The following LMNTD1 variants were observed in gnomAD, a reference collection of about 807,000 sequenced individuals.
The protein encoded by LMNTD1 is lamin tail domain-containing protein 1.
LMNTD1 carries 35 observed loss-of-function variants against 50.9 expected under a neutral mutation model. The observed-to-expected ratio is 0.69, with a 90% CI of 0.53 to 0.91. The LOEUF (loss-of-function observed/expected upper bound fraction) is 0.91, where lower values mean the gene tolerates loss of function less well. LMNTD1 is among the 40% of genes least tolerant of loss of function. LMNTD1 has a pLI of 0.00. For missense variants in LMNTD1, 470 were observed against 475.5 expected (o/e 0.99, Z 0.11); for synonymous variants, 153 against 161.9 (o/e 0.94, Z 0.42).
intron 1 of LMNTD1, among the ~76,000 whole-genome samples, chr12:25,578,454 T>A (rs1435435620): frequency 6.6e-6 from 1 of 152,094 alleles, no homozygotes; most frequent in Non-Finnish European, 1.5e-5. Context: ...AGTAACCAAA[T>A]AAAAGTAAAA....
At chr12:25,478,152 C>T (rs2101537) in intron 9 of LMNTD1, among the ~76,000 whole-genome samples, 37,585 of 151,968 alleles carry the variant, frequency 0.25, 5,373 homozygotes, top group East Asian at 0.65. Flanking sequence ...AACACCCTCA[C>T]AGACATACCC....
At chr12:25,520,788 A>T (rs1327583340) in intron 6 of LMNTD1, among the ~76,000 whole-genome samples, 1 of 152,180 alleles carries the variant, frequency 6.6e-6, no homozygotes, top group African/African-American at 2.4e-5. Context: ...ATTGTTTTCC[A>T]TAAAGGCTGC....
chr12:25,520,925 A>G (rs1941272179), intron 6 of LMNTD1, among the ~76,000 whole-genome samples: 1 of 152,214 alleles, frequency 6.6e-6, no homozygotes, highest in African/African-American at 2.4e-5. Context: ...GTGATAGCTC[A>G]TAACGATTTT....
chr12:25,515,929 T>A (rs1940727471), intron 8 of LMNTD1, among the ~76,000 whole-genome samples: 1 of 76,788 alleles, frequency 1.3e-5, no homozygotes, highest in Non-Finnish European at 3.5e-5. Flanking sequence ...TAATTACTTT[T>A]TGTTTTGTCT....
At chr12:25,587,477 T>C (rs1945567124) in intron 1 of LMNTD1, among the ~76,000 whole-genome samples, 2 of 152,194 alleles carry the variant, frequency 1.3e-5, no homozygotes, top group South Asian at 4.1e-4. Context: ...GGGAGGGTGC[T>C]ACACACTTTT....
chr12:25,521,634 G>A (rs1003066317), intron 6 of LMNTD1, among the ~76,000 whole-genome samples: 7 of 152,160 alleles, frequency 4.6e-5, no homozygotes, highest in African/African-American at 1.4e-4. Context: ...TTATTGAAGT[G>A]TTGTAAAATT....
chr12:25,590,990 C>T (rs770065713), intron 1 of LMNTD1, among the ~76,000 whole-genome samples: 17 of 152,106 alleles, frequency 1.1e-4, no homozygotes, highest in Admixed American at 4.6e-4. Flanking sequence ...TAAGGCTTAG[C>T]ACATGCTGCA....
intron 9 of LMNTD1, among the ~76,000 whole-genome samples, chr12:25,479,817 A>G (rs1960721): frequency 0.66 from 99,904 of 152,134 alleles, 33,232 homozygotes; most frequent in East Asian, 0.95. Flanking sequence ...CTTACCACCA[A>G]GTAGCTGGCT....
chr12:25,482,256 A>T (rs1454625387), intron 9 of LMNTD1, among the ~76,000 whole-genome samples: 2 of 152,036 alleles, frequency 1.3e-5, no homozygotes, highest in Non-Finnish European at 2.9e-5. Context: ...TTAAGAACAA[A>T]TAACTTAACC....
intron 1 of LMNTD1, among the ~76,000 whole-genome samples, chr12:25,609,427 T>C (rs1946193324): frequency 1.3e-5 from 2 of 152,250 alleles, no homozygotes; most frequent in South Asian, 4.1e-4. Flanking sequence ...TTTCAGCTTT[T>C]CTGCTCTGGT....
intron 6 of LMNTD1, 36 bp downstream of exon 6, chr12:25,526,063 A>T: frequency 6.7e-7 from 1 of 1,484,444 alleles, no homozygotes; most frequent in Non-Finnish European, 9.0e-7. Flanking sequence ...ACAATATTTA[A>T]AAAAAAAAAA....
intron 4 of LMNTD1, among the ~76,000 whole-genome samples, chr12:25,545,892 A>C (rs1294216216): frequency 1.3e-5 from 2 of 151,670 alleles, no homozygotes; most frequent in Non-Finnish European, 3.0e-5. Flanking sequence ...TGGTTATATT[A>C]ATATAAATGA....
At chr12:25,481,241 C>A (rs6487487) in intron 9 of LMNTD1, among the ~76,000 whole-genome samples, 98,725 of 151,784 alleles carry the variant, frequency 0.65, 32,762 homozygotes, top group East Asian at 0.95. Flanking sequence ...TCATCCTTCT[C>A]GGTTTATTTT....
At chr12:25,628,426 T>G (rs1474021876) in intron 1 of LMNTD1, among the ~76,000 whole-genome samples, 1 of 152,202 alleles carries the variant, frequency 6.6e-6, no homozygotes, top group African/African-American at 2.4e-5. Context: ...GAGCTATGAT[T>G]TTTTTCATCT....
intron 1 of LMNTD1, among the ~76,000 whole-genome samples, chr12:25,632,641 A>T (rs1842208): frequency 0.61 from 93,492 of 152,036 alleles, 29,198 homozygotes; most frequent in Non-Finnish European, 0.68. Flanking sequence ...GGACTGCTAA[A>T]AGGAGCTCTA....
At chr12:25,496,628 T>C (rs1454777120) in intron 9 of LMNTD1, among the ~76,000 whole-genome samples, 1 of 152,186 alleles carries the variant, frequency 6.6e-6, no homozygotes, top group Non-Finnish European at 1.5e-5. Flanking sequence ...CGTAAAGTTG[T>C]TTTGTTGAGC....
intron 4 of LMNTD1, 150 bp downstream of exon 4, chr12:25,546,224 G>T (rs1943418620): frequency 5.0e-6 from 2 of 403,314 alleles, no homozygotes; most frequent in African/African-American, 2.1e-5. Context: ...TATTTTAATT[G>T]CTCAGAAGAT....
chr12:25,561,099 T>G (rs936216139), intron 1 of LMNTD1, among the ~76,000 whole-genome samples: 7 of 152,236 alleles, frequency 4.6e-5, no homozygotes, highest in South Asian at 4.1e-4. Flanking sequence ...ACCAGCTCCT[T>G]GATTCATTGA....
At chr12:25,479,547 G>C (rs1490228443) in intron 9 of LMNTD1, among the ~76,000 whole-genome samples, 1 of 152,156 alleles carries the variant, frequency 6.6e-6, no homozygotes, top group Admixed American at 6.5e-5. Context: ...AGGATGATGG[G>C]GAACATGGTA....
Sources: allele counts gnomAD v4.1 joint callset (sites outside exome capture counted in the v4.1 genomes callset), GRCh38; gene constraint gnomAD v4.1.1; transcripts MANE v1.5; gene names NCBI Gene and HGNC (gene_info 2026-07-23, HGNC 2026-07-21).